The following RGS7 variants were observed in gnomAD, a reference collection of about 807,000 sequenced individuals.
RGS7 encodes regulator of G protein signaling 7, also known as regulator of G-protein signaling 7.
A neutral mutation model predicts 81.1 loss-of-function variants in RGS7; 27 were observed. The observed-to-expected ratio is 0.33, with a 90% CI of 0.25 to 0.46. RGS7 has a LOEUF of 0.46. RGS7 is among the 20% of genes least tolerant of loss of function. The pLI, the probability that RGS7 is intolerant of heterozygous loss-of-function variation, is 1.00. For synonymous variants in RGS7, 208 were observed against 207.7 expected (o/e 1.00, Z -0.01); for missense variants, 396 against 607.4 (o/e 0.65, Z 3.66).
chr1:241,133,015 G>C (rs1327836653), intron 2 of RGS7, among the ~76,000 whole-genome samples: 2 of 152,080 alleles, frequency 1.3e-5, no homozygotes, highest in African/African-American at 2.4e-5. Context: ...GCCTGCCTCA[G>C]CCTCCCAAAG....
At chr1:241,251,244 A>C (rs2076812581) in intron 2 of RGS7, among the ~76,000 whole-genome samples, 1 of 152,186 alleles carries the variant, frequency 6.6e-6, no homozygotes, top group African/African-American at 2.4e-5. Flanking sequence ...TGCTAATGAA[A>C]AAGTACCTGA....
At chr1:240,827,880 A>AG (rs1693149360) in intron 9 of RGS7, among the ~76,000 whole-genome samples, 1 of 147,962 alleles carries the variant, frequency 6.8e-6, no homozygotes, top group East Asian at 1.9e-4. Flanking sequence ...AAAAAAAAAA[A>AG]AAAAAAAACA....
intron 2 of RGS7, among the ~76,000 whole-genome samples, chr1:241,231,078 C>T (rs1430311596): frequency 6.6e-6 from 1 of 152,120 alleles, no homozygotes; most frequent in African/African-American, 2.4e-5. Flanking sequence ...TTCTCCTTTT[C>T]TTCAGGCCAA....
In RGS7 at chr1:241,259,650, C is replaced by CAAAAAAAAAAAAAAAAAAA. The variant is rs71571832; in HGVS notation, c.78+96048_78+96049insTTTTTTTTTTTTTTTTTTT. Among the ~76,000 whole-genome samples, 200 of 39,830 alleles carry CAAAAAAAAAAAAAAAAAAA rather than the reference C, an allele frequency of 5.0e-3. 12 individuals are homozygous for CAAAAAAAAAAAAAAAAAAA. Among genetic ancestry groups the CAAAAAAAAAAAAAAAAAAA allele is most frequent in the Non-Finnish European group, 6.9e-3 (167 of 24,064 alleles). The allele number at this position is 39,830 out of a possible 152,430, so 26.1% of individuals were successfully genotyped here. A position where few individuals can be genotyped will look rare whatever the true frequency, so the allele number is the denominator to read the frequency against. On this transcript the variant is annotated intron_variant, in intron 2 of 18. Transcript: ENST00000440928. ...GGACAACAAGAGCGAAACTCCGTCT[C>CAAAAAAAAAAAAAAAAAAA]AAAAAAAAAAAAAAAAAATATATAT...
At chr1:241,052,652 T>C (rs955978328) in intron 3 of RGS7, among the ~76,000 whole-genome samples, 2 of 152,168 alleles carry the variant, frequency 1.3e-5, no homozygotes, top group Non-Finnish European at 2.9e-5. Flanking sequence ...TTTTCTGAGT[T>C]GATTTGGCCT....
At chr1:241,096,265 G>C (rs950811162) in intron 3 of RGS7, among the ~76,000 whole-genome samples, 1 of 152,114 alleles carries the variant, frequency 6.6e-6, no homozygotes, top group Non-Finnish European at 1.5e-5. Context: ...CAAAAGAATA[G>C]AGGAATTAAC....
At chr1:240,777,415 A>AAGAT (rs1438927651) in intron 18 of RGS7, among the ~76,000 whole-genome samples, 3 of 152,216 alleles carry the variant, frequency 2.0e-5, no homozygotes, top group African/African-American at 7.2e-5. Context: ...TACATCTCAG[A>AAGAT]AGATAAGTAA....
intron 2 of RGS7, among the ~76,000 whole-genome samples, chr1:241,289,438 T>C (rs1369933768): frequency 6.6e-6 from 1 of 152,198 alleles, no homozygotes; most frequent in Admixed American, 6.5e-5. Flanking sequence ...AGCATGTCCA[T>C]GCTTCTCCGA....
intron 2 of RGS7, among the ~76,000 whole-genome samples, chr1:241,145,642 G>C (rs897428131): frequency 6.6e-5 from 10 of 152,184 alleles, no homozygotes; most frequent in Non-Finnish European, 1.5e-5. Flanking sequence ...CTACTTTGAG[G>C]CTGAGGCACA....
At chr1:241,104,066 G>T (rs2064947869) in intron 2 of RGS7, among the ~76,000 whole-genome samples, 1 of 152,166 alleles carries the variant, frequency 6.6e-6, no homozygotes, top group African/African-American at 2.4e-5. Context: ...AACACTCAAA[G>T]ATTCGGTTAT....
chr1:241,170,010 T>G (rs1177769713), intron 2 of RGS7, among the ~76,000 whole-genome samples: 1 of 152,016 alleles, frequency 6.6e-6, no homozygotes, highest in Non-Finnish European at 1.5e-5. Flanking sequence ...AATCTCACAA[T>G]GACTCTGGGA....
At chr1:241,102,751 A>G (rs1323892753) in intron 2 of RGS7, among the ~76,000 whole-genome samples, 1 of 152,156 alleles carries the variant, frequency 6.6e-6, no homozygotes, top group Admixed American at 6.5e-5. Context: ...AAAACAGCCA[A>G]ACAGGCATCC....
At position 241,058,832 on chromosome 1, in the gene RGS7, C is replaced by T. The variant is rs2061603893; in HGVS notation, c.175+39834G>A. 2.6e-5 allele frequency among the ~76,000 whole-genome samples: 4 copies of T among 152,250 alleles called. No individual in the cohort carries two copies. In the South Asian group the frequency reaches 8.3e-4, roughly 32 times the overall value. On this transcript the variant is annotated intron_variant, in intron 3 of 18. Coordinates refer to ENST00000440928, the MANE Select transcript of RGS7 (RefSeq NM_001364886.1). ...CATTAACCAGGTGAAATCTAAGGTC[C>T]TTTCTGAGAGTGTGTGATTCAGGCA... is the stretch of plus-strand genomic sequence containing the variant.
At chr1:240,859,714 G>A (rs1341753239) in intron 9 of RGS7, among the ~76,000 whole-genome samples, 8 of 151,620 alleles carry the variant, frequency 5.3e-5, no homozygotes, top group African/African-American at 1.2e-4. Flanking sequence ...ATTGATACCT[G>A]CTTTAATTTT....
At position 241,294,002 on chromosome 1, in the gene RGS7, G is replaced by A. The variant is rs978795687; in HGVS notation, c.78+61697C>T. ...AGACACATGCACTTGTATGTTTATT[G>A]CAGCACTATTTACCATAGCAAACAC... On this transcript the variant is annotated intron_variant, in intron 2 of 18. Coordinates refer to ENST00000440928, the MANE Select transcript of RGS7 (RefSeq NM_001364886.1). Among the ~76,000 whole-genome samples the A allele has an allele frequency of 3.3e-5, 5 of 152,290 alleles. No individual in the cohort carries two copies. The South Asian group carries it at 8.3e-4, about 25-fold the overall frequency.
intron 6 of RGS7, among the ~76,000 whole-genome samples, chr1:240,925,945 A>C (rs936820816): frequency 6.6e-6 from 1 of 152,122 alleles, no homozygotes; most frequent in Non-Finnish European, 1.5e-5. Context: ...GTGTCTGCTC[A>C]TGTCCCTTGC....
At chr1:241,168,192 G>GC (rs2070419546) in intron 2 of RGS7, among the ~76,000 whole-genome samples, 2 of 152,178 alleles carry the variant, frequency 1.3e-5, no homozygotes, top group Non-Finnish European at 2.9e-5. Context: ...TGATGAGAAA[G>GC]AGGATGGGGG....
At chr1:240,932,726 T>C (rs535628368) in intron 5 of RGS7, among the ~76,000 whole-genome samples, 63 of 151,030 alleles carry the variant, frequency 4.2e-4, no homozygotes, top group African/African-American at 1.5e-3. Flanking sequence ...GCCAGGATGG[T>C]CTCGATCTCC....
At position 240,832,061 on chromosome 1, in the gene RGS7, T is replaced by TA. The variant is rs201833367; in HGVS notation, c.610-4890dup. Among the ~76,000 whole-genome samples, 159 of 152,110 alleles carry TA rather than the reference T, an allele frequency of 1.0e-3. 1 individual carries two copies. In the East Asian group the frequency reaches 0.028, roughly 27 times the overall value. On this transcript the variant is annotated intron_variant, in intron 9 of 18. Transcript: ENST00000440928. ...TGAGACCATGTTGTCTTTGGTTATT[T>TA]AAAAAAAAGTCAATCATCTTTTTGA...
Sources: allele counts gnomAD v4.1 joint callset (sites outside exome capture counted in the v4.1 genomes callset), GRCh38; gene constraint gnomAD v4.1.1; transcripts MANE v1.5; gene names NCBI Gene and HGNC (gene_info 2026-07-23, HGNC 2026-07-21).